Variants in KCNMA1 observed in about 807,000 individuals in gnomAD.
KCNMA1 encodes the protein potassium calcium-activated channel subfamily M alpha 1.
A neutral mutation model predicts 140.0 loss-of-function variants in KCNMA1; 29 were observed. The observed-to-expected ratio is 0.21, with a 90% confidence interval of 0.15 to 0.28. KCNMA1 has a LOEUF of 0.28. Ranked by LOEUF, KCNMA1 falls within the 10% of genes least tolerant of loss-of-function variation. KCNMA1 has a pLI of 1.00. For missense variants in KCNMA1, 880 were observed against 1,602.2 expected, an observed-to-expected ratio of 0.55 and a Z score of 7.70; for synonymous variants, 612 against 611.9, an observed-to-expected ratio of 1.00 and a Z score of 0.00.
chr10:76,910,939 T>C (rs540127859), intron 24 of KCNMA1: 30 of 152,294 alleles, frequency 2.0e-4, no homozygotes, highest in African/African-American at 7.2e-4. Context: ...CTTTAACTTA[T>C]TAAAAATTAA....
At chr10:77,176,245 C>T (rs1173029169) in intron 5 of KCNMA1, among the ~76,000 whole-genome samples, 1 of 152,194 alleles carries the variant, frequency 6.6e-6, no homozygotes, top group African/African-American at 2.4e-5. Flanking sequence ...CACCACAACT[C>T]TTTGGTCTCA....
chr10:77,373,789 G>A (rs757504687), intron 2 of KCNMA1: 5 of 152,298 alleles, frequency 3.3e-5, no homozygotes, highest in Middle Eastern at 3.4e-3. Flanking sequence ...CTTTAGTAGA[G>A]GCAGTGATTG....
At chr10:77,103,254 T>G (rs530948376) in intron 9 of KCNMA1, among the ~76,000 whole-genome samples, 7 of 152,352 alleles carry the variant, frequency 4.6e-5, no homozygotes, top group Admixed American at 4.6e-4. Context: ...GTAAGGCTCT[T>G]TCCAATGTGG....
chr10:76,918,623 A>T (rs1395982006), intron 23 of KCNMA1, among the ~76,000 whole-genome samples: 1 of 152,100 alleles, frequency 6.6e-6, no homozygotes, highest in East Asian at 1.9e-4. Context: ...AACAGAGAAC[A>T]CCTCTACACT....
intron 3 of KCNMA1, among the ~76,000 whole-genome samples, chr10:77,224,840 G>GA (rs1181414523): frequency 9.2e-5 from 14 of 152,258 alleles, no homozygotes; most frequent in African/African-American, 3.4e-4. Flanking sequence ...ACTTGGGTAA[G>GA]GCTCAGAAGA....
At chr10:77,336,544 T>C (rs1180171896) in intron 2 of KCNMA1, among the ~76,000 whole-genome samples, 2 of 152,142 alleles carry the variant, frequency 1.3e-5, no homozygotes, top group Non-Finnish European at 2.9e-5. Flanking sequence ...TCTGTGAGCA[T>C]GGCCCACAAT....
intron 1 of KCNMA1, among the ~76,000 whole-genome samples, chr10:77,450,741 GC>G (rs1282106132): frequency 6.6e-6 from 1 of 152,168 alleles, no homozygotes; most frequent in Admixed American, 6.5e-5. Flanking sequence ...GGATAGAAGG[GC>G]CCCATGAGAC....
chr10:77,340,586 G>T (rs573930610), intron 2 of KCNMA1, among the ~76,000 whole-genome samples: 1 of 151,910 alleles, frequency 6.6e-6, no homozygotes, highest in East Asian at 1.9e-4. Flanking sequence ...GCTGGAAACC[G>T]TCATTCTCAG....
At chr10:76,966,999 A>C (rs912021055) in intron 20 of KCNMA1, among the ~76,000 whole-genome samples, 5 of 152,186 alleles carry the variant, frequency 3.3e-5, no homozygotes, top group African/African-American at 1.2e-4. Flanking sequence ...GGTAAGCCTG[A>C]TACAAGAACA....
rs77873375 is a variant in KCNMA1, at chr10:77,633,629, T to C, written c.378+3636A>G. Among the ~76,000 whole-genome samples, 605 of 152,318 alleles carry C rather than the reference T, an allele frequency of 4.0e-3. 1 individual carries two copies. The highest frequency in any genetic ancestry group is 6.5e-3 in the Non-Finnish European group (439 of 68,028). The stretch of plus-strand genomic sequence containing the variant: ...AAGCTGTAATGGGATCTGATATTTA[T>C]ATTAGTCACGAGCCTGACAGAGAAA... On this transcript the variant is annotated intron_variant, in intron 1 of 27. Coordinates refer to ENST00000286628, the MANE Select transcript of KCNMA1 (RefSeq NM_001161352.2).
In KCNMA1 at chr10:77,407,124, G is replaced by A. The variant is rs185025307; in HGVS notation, c.379-3101C>T. Among the ~76,000 whole-genome samples the A allele has an allele frequency of 1.2e-4, 19 of 152,308 alleles. No homozygotes were observed. In the East Asian group the frequency reaches 3.7e-3, roughly 29 times the overall value. On this transcript the variant is annotated intron_variant, in intron 1 of 27. Coordinates refer to ENST00000286628, the MANE Select transcript of KCNMA1 (RefSeq NM_001161352.2). ...AAAACACAGACTAAAGGGAGATAAT[G>A]CCCTTGTTATTATTTGCTTACACTA...
In KCNMA1 at chr10:77,112,210, G is replaced by T. The variant is rs1347543; in HGVS notation, c.960+157C>A. On this transcript the variant is annotated intron_variant, in intron 7 of 27. Transcript: ENST00000286628. ...TTTGGAACTAGTTTGGGGTAAAAAG[G>T]TTGGAAACCCAGACAATTGTGTGGT... is the stretch of plus-strand genomic sequence containing the variant. Among the ~76,000 whole-genome samples the T allele has an allele frequency of 0.11, 16,883 of 152,248 alleles. 1,910 individuals are homozygous for T. The highest frequency in any genetic ancestry group is 0.5 in the East Asian group (2,560 of 5,164).
At chr10:77,418,806 G>A (rs558742824) in intron 1 of KCNMA1, among the ~76,000 whole-genome samples, 4 of 152,276 alleles carry the variant, frequency 2.6e-5, no homozygotes, top group East Asian at 1.9e-4. Context: ...AAGAGCTCCC[G>A]ATGGAAGTGG....
At position 77,043,892 on chromosome 10, in the gene KCNMA1, T is replaced by C. The variant is rs1182088105; in HGVS notation, c.1750-4255A>G. ...CTGAGACAGTGTCCGTTTTGCAAGA[T>C]AAAAAGAGTTCCGGAAGTGGATGGT... On this transcript the variant is annotated intron_variant, in intron 14 of 27. Coordinates refer to ENST00000286628, the MANE Select transcript of KCNMA1 (RefSeq NM_001161352.2). 3.9e-5 allele frequency among the ~76,000 whole-genome samples: 6 copies of C among 152,242 alleles called. No homozygotes were observed. The South Asian group carries it at 6.2e-4, about 16-fold the overall frequency.
In KCNMA1 at chr10:77,403,957, C is replaced by G. The variant is rs748691793; in HGVS notation, c.445G>C (p.Glu149Gln). 2.5e-6 allele frequency: 4 copies of G among 1,614,080 alleles called. No individual in the cohort carries two copies. The East Asian group carries it at 6.7e-5, about 27-fold the overall frequency. ...CCGACCTCGGCGGCCACTGCCTCCTCTTTTTCATCCACTGGTTTGAGAGTG... is the reference window on the plus strand; with the variant it reads ...CCGACCTCGGCGGCCACTGCCTCCTGTTTTTCATCCACTGGTTTGAGAGTG... ...DGTLKPVDEK[E>Q]EAVAAEVGWM... The change falls in exon 2 of 28, where the codon GAG becomes CAG. Residue 149 changes from glutamate (E) to glutamine (Q), a missense_variant. This residue lies in a region of KCNMA1 where 54 missense variants were observed against 56.4 expected (regional missense o/e 0.96). Coordinates refer to ENST00000286628, the MANE Select transcript of KCNMA1 (RefSeq NM_001161352.2).
rs1589508061 is a variant in KCNMA1, at chr10:76,885,846, G to A, written c.*1420C>T. On this transcript the variant is annotated 3_prime_UTR_variant, in exon 28 of 28. Transcript: ENST00000286628. ...TGCTTACTAAGTGTTAAAAAAGAAA[G>A]AAAACAAAAGAAGAAAAAAATAACT... The A allele has an allele frequency of 2.0e-6, 2 of 984,932 alleles. No homozygotes were observed. The highest frequency in any genetic ancestry group is 6.2e-5 in the Admixed American group (1 of 16,256). 61.0% of individuals were successfully genotyped at this position (984,932 alleles called of 1,614,324 possible).
At chr10:76,881,192 G>A (rs1438912485), downstream of KCNMA1, among the ~76,000 whole-genome samples, 1 of 152,148 alleles carries the variant, frequency 6.6e-6, no homozygotes, top group Non-Finnish European at 1.5e-5. Flanking sequence ...AAGGAGATGC[G>A]GGCTAAGGAG....
intron 2 of KCNMA1, among the ~76,000 whole-genome samples, chr10:77,297,705 G>A (rs149762623): frequency 4.8e-4 from 73 of 152,286 alleles, no homozygotes; most frequent in African/African-American, 1.7e-3. Flanking sequence ...CTCTACCTAT[G>A]AAAGGAAGGG....
At chr10:77,033,970 G>A (rs982227920) in intron 15 of KCNMA1, among the ~76,000 whole-genome samples, 1 of 152,118 alleles carries the variant, frequency 6.6e-6, no homozygotes, top group African/African-American at 2.4e-5. Flanking sequence ...TGCCAGGTGC[G>A]GTGGCTCACG....
Sources: allele counts gnomAD v4.1 joint callset (sites outside exome capture counted in the v4.1 genomes callset), GRCh38; gene constraint gnomAD v4.1.1; regional missense constraint gnomAD v4.1.1; transcripts MANE v1.5; gene names NCBI Gene and HGNC (gene_info 2026-07-23, HGNC 2026-07-21).